Variants in ZNF385D observed in about 807,000 individuals in gnomAD.
The protein encoded by ZNF385D is zinc finger protein 659.
Under a neutral mutation model 35.8 loss-of-function variants are expected in ZNF385D, and 15 were observed. The ratio of observed to expected loss-of-function variants is 0.42; its 90% CI spans 0.28 to 0.64. ZNF385D has a LOEUF of 0.64. Among genes scored for constraint, ZNF385D ranks in the 30% least tolerant of loss-of-function variants. The probability of loss-of-function intolerance (pLI) is 0.23; values close to 1 mark genes in which losing one functional copy is unlikely to be tolerated. For missense variants in ZNF385D, 474 were observed against 494.6 expected, an observed-to-expected ratio of 0.96 and a Z score of 0.39; for synonymous variants, 212 against 186.8, an observed-to-expected ratio of 1.13 and a Z score of -1.10.
chr3:21,605,130 G>A (rs555583288), intron 2 of ZNF385D, among the ~76,000 whole-genome samples: 54 of 152,244 alleles, frequency 3.5e-4, no homozygotes, highest in African/African-American at 1.3e-3. Context: ...AGTATTCATC[G>A]GAGTATAAAG....
chr3:22,099,544 T>G (rs1325823770), intron 3 of ZNF385D, among the ~76,000 whole-genome samples: 1 of 152,072 alleles, frequency 6.6e-6, no homozygotes, highest in East Asian at 1.9e-4. Context: ...GTAGGAAATG[T>G]GTGGCTGAGA....
chr3:21,924,719 T>C (rs1264316457), intron 3 of ZNF385D, among the ~76,000 whole-genome samples: 1 of 151,956 alleles, frequency 6.6e-6, no homozygotes, highest in Non-Finnish European at 1.5e-5. Flanking sequence ...TGGAGACAAG[T>C]GGGGGCAGTA....
intron 3 of ZNF385D, among the ~76,000 whole-genome samples, chr3:21,551,768 C>T (rs769618961): frequency 7.2e-5 from 11 of 152,014 alleles, no homozygotes; most frequent in Admixed American, 4.6e-4. Context: ...AAACCTACAC[C>T]AGGAAAAGGT....
intron 2 of ZNF385D, among the ~76,000 whole-genome samples, chr3:22,227,161 T>G (rs1698609447): frequency 6.6e-6 from 1 of 151,798 alleles, no homozygotes; most frequent in Non-Finnish European, 1.5e-5. Flanking sequence ...CATATATATG[T>G]GTGTATATAT....
chr3:21,537,557 A>T (rs1189102809), intron 3 of ZNF385D, among the ~76,000 whole-genome samples: 1 of 152,118 alleles, frequency 6.6e-6, no homozygotes, highest in African/African-American at 2.4e-5. Context: ...CATGGGCCAC[A>T]GCTTGCTAAT....
intron 1 of ZNF385D, among the ~76,000 whole-genome samples, chr3:21,689,339 G>C (rs558346865): frequency 1.3e-5 from 2 of 152,092 alleles, no homozygotes; most frequent in Non-Finnish European, 2.9e-5. Flanking sequence ...GCTCTGTTGC[G>C]GGGCAGCATA....
chr3:21,782,540 G>T (rs2071533858), intron 3 of ZNF385D, among the ~76,000 whole-genome samples: 1 of 151,946 alleles, frequency 6.6e-6, no homozygotes, highest in Non-Finnish European at 1.5e-5. Flanking sequence ...TGTCATTTGT[G>T]TCTCCTTTTC....
At chr3:21,919,022 A>G (rs1700326710) in intron 3 of ZNF385D, among the ~76,000 whole-genome samples, 1 of 152,190 alleles carries the variant, frequency 6.6e-6, no homozygotes, top group Admixed American at 6.5e-5. Context: ...TTGCTATCAG[A>G]TTGTTTCATA....
intron 3 of ZNF385D, among the ~76,000 whole-genome samples, chr3:22,131,005 G>A (rs1180551968): frequency 1.3e-5 from 2 of 152,088 alleles, no homozygotes; most frequent in Non-Finnish European, 2.9e-5. Flanking sequence ...AAAATATTGA[G>A]AATCATGCAT....
intron 2 of ZNF385D, among the ~76,000 whole-genome samples, chr3:21,604,634 T>G (rs574652142): frequency 4.6e-5 from 7 of 151,764 alleles, no homozygotes; most frequent in Non-Finnish European, 1.0e-4. Context: ...TGAAATGAGG[T>G]GAGGCCTGAG....
rs773952386 is a variant in ZNF385D, at chr3:22,008,360, C to CATTTTTTTTTTTTTTTTTT, written c.325+160456_325+160457insAAAAAAAAAAAAAAAAAAT. 1.7e-4 allele frequency among the ~76,000 whole-genome samples: 23 copies of CATTTTTTTTTTTTTTTTTT among 131,934 alleles called. 5 individuals carry two copies. Among genetic ancestry groups the CATTTTTTTTTTTTTTTTTT allele is most frequent in the South Asian group, 4.8e-4 (2 of 4,170 alleles). 86.6% of individuals were successfully genotyped at this position (131,934 alleles called of 152,430 possible). On this transcript the variant is annotated intron_variant, in intron 3 of 5. Transcript: ENST00000494108. ...TCACTTTCATACAGGCCATGATTTT[C>CATTTTTTTTTTTTTTTTTT]TTTTTTTTTTTTGAGGCGGAGTCTC...
At chr3:22,230,100 G>A (rs1602573) in intron 2 of ZNF385D, among the ~76,000 whole-genome samples, 15,454 of 152,136 alleles carry the variant, frequency 0.1, 2,010 homozygotes, top group African/African-American at 0.31. Flanking sequence ...GAGGGACAAC[G>A]ATGAGCCTCC....
chr3:21,750,860 AC>A (rs749969484), intron 1 of ZNF385D, 34 bp downstream of exon 1: 3 of 1,613,240 alleles, frequency 1.9e-6, no homozygotes, highest in Non-Finnish European at 2.5e-6. Flanking sequence ...AGAGCCGGAC[AC>A]CCCCAGAATT....
At chr3:22,262,870 C>G (rs982262300) in intron 2 of ZNF385D, among the ~76,000 whole-genome samples, 2 of 151,932 alleles carry the variant, frequency 1.3e-5, no homozygotes, top group Non-Finnish European at 2.9e-5. Flanking sequence ...CCTGCTTCTC[C>G]CCAGATCTTT....
intron 2 of ZNF385D, among the ~76,000 whole-genome samples, chr3:21,626,883 A>G (rs2065148791): frequency 6.6e-6 from 1 of 152,072 alleles, no homozygotes; most frequent in Admixed American, 6.6e-5. Context: ...CCAGAGGCCA[A>G]GGCAATGCAC....
chr3:21,481,155 C>T (rs977894834), intron 4 of ZNF385D, among the ~76,000 whole-genome samples: 1 of 152,152 alleles, frequency 6.6e-6, no homozygotes, highest in African/African-American at 2.4e-5. Context: ...ACTATCATAA[C>T]AATGGGGATC....
At chr3:22,366,328 G>A (rs1696655308) in intron 2 of ZNF385D, among the ~76,000 whole-genome samples, 1 of 152,042 alleles carries the variant, frequency 6.6e-6, no homozygotes, top group Non-Finnish European at 1.5e-5. Context: ...CACTCCATGA[G>A]GACAGGGTCT....
At chr3:22,249,389 G>T (rs989745052) in intron 2 of ZNF385D, among the ~76,000 whole-genome samples, 1 of 152,064 alleles carries the variant, frequency 6.6e-6, no homozygotes, top group Non-Finnish European at 1.5e-5. Flanking sequence ...TCAGAAACTC[G>T]GAAGAAATGT....
chr3:21,600,199 G>T (rs975798546), intron 2 of ZNF385D, among the ~76,000 whole-genome samples: 5 of 152,182 alleles, frequency 3.3e-5, no homozygotes, highest in African/African-American at 1.2e-4. Context: ...GCAACCAGCA[G>T]CCCTCAGGGC....
Sources: gnomAD v4.1 joint callset for allele counts (sites outside exome capture counted in the v4.1 genomes callset) on GRCh38, gnomAD v4.1.1 for gene constraint, MANE v1.5 for transcripts, NCBI Gene and HGNC (gene_info 2026-07-23, HGNC 2026-07-21) for gene names.